The following EHBP1 variants were observed in gnomAD, a reference collection of about 807,000 sequenced individuals.
EHBP1 encodes the protein EH domain binding protein 1.
Under a neutral mutation model 144.0 loss-of-function variants are expected in EHBP1, and 55 were observed. The ratio of observed to expected loss-of-function variants is 0.38; its 90% CI spans 0.31 to 0.48. The LOEUF (loss-of-function observed/expected upper bound fraction) is 0.48, where lower values mean the gene tolerates loss of function less well. Ranked by LOEUF, EHBP1 falls within the 20% of genes least tolerant of loss-of-function variation. The pLI is 0.98. For missense variants in EHBP1, 1,200 were observed against 1,364.2 expected (o/e 0.88, Z 1.90); for synonymous variants, 469 against 472.7 (o/e 0.99, Z 0.10).
At chr2:62,681,987 C>G (rs1162011653) in intron 1 of EHBP1, among the ~76,000 whole-genome samples, 1 of 152,168 alleles carries the variant, frequency 6.6e-6, no homozygotes, top group Non-Finnish European at 1.5e-5. Flanking sequence ...TCTAAGTTCC[C>G]CTAAGTAAAC....
chr2:62,742,130 G>A (rs1185705701), intron 2 of EHBP1, among the ~76,000 whole-genome samples: 1 of 152,138 alleles, frequency 6.6e-6, no homozygotes, highest in Non-Finnish European at 1.5e-5. Flanking sequence ...GTCTAGGTAT[G>A]TAGTAGGTTG....
intron 19 of EHBP1, among the ~76,000 whole-genome samples, chr2:63,015,838 G>A (rs554439346): frequency 5.9e-5 from 9 of 152,114 alleles, no homozygotes; most frequent in East Asian, 1.9e-4. Context: ...ATGATATACC[G>A]TGATAAAATA....
chr2:62,996,095 T>C (rs1038997691), intron 18 of EHBP1, among the ~76,000 whole-genome samples: 1 of 152,072 alleles, frequency 6.6e-6, no homozygotes, highest in Admixed American at 6.6e-5. Flanking sequence ...TATTGTGAAC[T>C]TCCCTTTTTA....
intron 19 of EHBP1, among the ~76,000 whole-genome samples, chr2:63,022,157 CAG>C (rs1353114130): frequency 6.6e-6 from 1 of 152,144 alleles, no homozygotes; most frequent in African/African-American, 2.4e-5. Flanking sequence ...ATCTTGGAGA[CAG>C]AGCTGTCCAA....
At chr2:62,798,343 G>A (rs918379477) in intron 5 of EHBP1, among the ~76,000 whole-genome samples, 11 of 152,044 alleles carry the variant, frequency 7.2e-5, no homozygotes, top group African/African-American at 2.7e-4. Context: ...ACTCCAGCCT[G>A]GGTGACAGAG....
chr2:62,859,075 A>G, intron 7 of EHBP1, 94 bp from the exon 8 acceptor site: 1 of 1,218,810 alleles, frequency 8.2e-7, no homozygotes, highest in Non-Finnish European at 1.1e-6. Flanking sequence ...TGCAGGTATT[A>G]TTCGTGTGAA....
chr2:63,008,563 C>CT (rs1190280637), intron 19 of EHBP1, among the ~76,000 whole-genome samples: 8 of 144,924 alleles, frequency 5.5e-5, no homozygotes, highest in Middle Eastern at 3.8e-3. Context: ...TAAATCACTG[C>CT]TTTTTTTTTA....
intron 19 of EHBP1, among the ~76,000 whole-genome samples, chr2:63,035,850 T>G (rs2061422473): frequency 6.6e-6 from 1 of 152,050 alleles, no homozygotes; most frequent in Non-Finnish European, 1.5e-5. Flanking sequence ...TTTGTGCCTA[T>G]CGCAGCCTAT....
intron 9 of EHBP1, among the ~76,000 whole-genome samples, chr2:62,870,738 CA>C (rs2050407857): frequency 7.2e-6 from 1 of 139,098 alleles, no homozygotes; most frequent in Non-Finnish European, 1.5e-5. Context: ...AAAAAAAATA[CA>C]TATATATATA....
At chr2:62,869,959 G>A (rs1017673949) in intron 9 of EHBP1, among the ~76,000 whole-genome samples, 1 of 152,024 alleles carries the variant, frequency 6.6e-6, no homozygotes, top group Non-Finnish European at 1.5e-5. Flanking sequence ...TTAATAATAA[G>A]TAATATAATT....
At position 62,979,183 on chromosome 2, in the gene EHBP1, C is replaced by G. The variant is rs193297470; in HGVS notation, c.2461-5C>G. On this transcript the variant is annotated splice_region_variant and splice_polypyrimidine_tract_variant and intron_variant, in intron 14 of 22. Transcript: ENST00000431489. ...CTGAGTTGGCAACTGTTCAATATAT[C>G]TTAGCAGCAAGATGAAGAGCGACGT... is the stretch of plus-strand genomic sequence containing the variant. The G allele has an allele frequency of 2.2e-5, 35 of 1,611,298 alleles. No homozygotes were observed. In the African/African-American group the frequency reaches 4.0e-4, roughly 18 times the overall value.
chr2:62,898,847 G>T (rs2053164157), intron 10 of EHBP1, among the ~76,000 whole-genome samples: 1 of 152,168 alleles, frequency 6.6e-6, no homozygotes, highest in South Asian at 2.1e-4. Flanking sequence ...TAGAGAAAGA[G>T]AATGTAAGGA....
In EHBP1 at chr2:62,724,641, G is replaced by GT. The variant is rs764331617; in HGVS notation, c.104+17359dup. Among the ~76,000 whole-genome samples the GT allele has an allele frequency of 4.0e-3, 578 of 145,280 alleles. 2 individuals are homozygous for GT. The highest frequency in any genetic ancestry group is 0.023 in the South Asian group (108 of 4,626). ...CTTTGAAGTTGCTCACCTTTGGATA[G>GT]TTTTTTTTTTTTTCTTTTATCCTAT... On this transcript the variant is annotated intron_variant, in intron 2 of 22. Coordinates refer to ENST00000431489, the MANE Select transcript of EHBP1 (RefSeq NM_001142616.3).
At chr2:62,849,787 A>C (rs2152753005) in intron 7 of EHBP1, among the ~76,000 whole-genome samples, 1 of 152,332 alleles carries the variant, frequency 6.6e-6, no homozygotes, top group South Asian at 2.1e-4. Flanking sequence ...CGAACATGAC[A>C]TAGTAGCACA....
At chr2:62,977,355 C>A (rs987973134) in intron 14 of EHBP1, among the ~76,000 whole-genome samples, 5 of 151,906 alleles carry the variant, frequency 3.3e-5, no homozygotes, top group Non-Finnish European at 1.5e-5. Context: ...GTTATATTTC[C>A]CCGTATACTT....
intron 19 of EHBP1, among the ~76,000 whole-genome samples, chr2:63,022,940 G>A (rs2060818390): frequency 1.3e-5 from 2 of 152,100 alleles, no homozygotes; most frequent in Admixed American, 1.3e-4. Context: ...TTGGGAGGCT[G>A]AGGCAGGCAG....
chr2:62,749,668 T>C (rs553853228), intron 3 of EHBP1, among the ~76,000 whole-genome samples: 25 of 152,272 alleles, frequency 1.6e-4, no homozygotes, highest in East Asian at 3.9e-4. Context: ...TTTTAATGAT[T>C]GCCATTCTAA....
chr2:63,012,108 T>C (rs2060291486), intron 19 of EHBP1, among the ~76,000 whole-genome samples: 1 of 151,804 alleles, frequency 6.6e-6, no homozygotes, highest in Non-Finnish European at 1.5e-5. Context: ...CTGTAGGGGG[T>C]GAAAATTAGA....
At chr2:62,725,294 C>T (rs560514042) in intron 2 of EHBP1, among the ~76,000 whole-genome samples, 2 of 152,310 alleles carry the variant, frequency 1.3e-5, no homozygotes, top group East Asian at 1.9e-4. Flanking sequence ...CCAGCAGCAG[C>T]GGCTGTGGCA....
Sources: gnomAD v4.1 joint callset for allele counts (sites outside exome capture counted in the v4.1 genomes callset) on GRCh38, gnomAD v4.1.1 for gene constraint, MANE v1.5 for transcripts, NCBI Gene and HGNC (gene_info 2026-07-23, HGNC 2026-07-21) for gene names.